Variants in QTGAL observed in about 807,000 individuals in gnomAD.
The protein encoded by QTGAL is BGnT-like protein 1.
chr17:83,009,637 C>T, the QTGAL span, among the ~76,000 whole-genome samples: 3 of 152,114 alleles, frequency 2.0e-5, no homozygotes, highest in African/African-American at 4.8e-5. Context: ...GGCAAAGGGG[C>T]GAGACCTTCG....
At chr17:83,009,405 C>T in the QTGAL span, among the ~76,000 whole-genome samples, 5 of 151,790 alleles carry the variant, frequency 3.3e-5, no homozygotes, top group African/African-American at 4.8e-5. Flanking sequence ...GCCTGGGCAA[C>T]GGAGCAAGAC....
At chr17:82,946,891 G>T in the QTGAL span, 1 of 1,557,986 alleles carries the variant, frequency 6.4e-7, no homozygotes, top group Non-Finnish European at 8.7e-7. Flanking sequence ...GGGAGCAGCT[G>T]CCATGGGTCC....
At chr17:82,946,496 T>C in the QTGAL span, among the ~76,000 whole-genome samples, 2 of 151,534 alleles carry the variant, frequency 1.3e-5, no homozygotes, top group Non-Finnish European at 2.9e-5. Context: ...ATTGAATTGG[T>C]ACATTTCAAT....
At chr17:83,001,686 T>A in the QTGAL span, among the ~76,000 whole-genome samples, 1 of 152,206 alleles carries the variant, frequency 6.6e-6, no homozygotes, top group Non-Finnish European at 1.5e-5. Flanking sequence ...AGTGGTGGGT[T>A]TGCAGTAACA....
chr17:83,000,149 G>C, the QTGAL span, among the ~76,000 whole-genome samples: 4 of 152,076 alleles, frequency 2.6e-5, no homozygotes, highest in African/African-American at 9.7e-5. Flanking sequence ...TTTTAGTAGG[G>C]ACGGGGTTTC....
the QTGAL span, among the ~76,000 whole-genome samples, chr17:83,015,520 CAAG>C: frequency 6.6e-6 from 1 of 152,222 alleles, no homozygotes; most frequent in Non-Finnish European, 1.5e-5. The surrounding 1 kb of genome is among the most constrained non-coding windows in gnomAD (Gnocchi z 4.4). Context: ...AAGCAAGACA[CAAG>C]AATATACATG....
the QTGAL span, among the ~76,000 whole-genome samples, chr17:83,000,253 G>A: frequency 1.9e-4 from 21 of 112,068 alleles, no homozygotes; most frequent in East Asian, 5.3e-4. Flanking sequence ...GAGCCACTGC[G>A]CCTGGCCGAG....
At chr17:83,030,579 C>T in the QTGAL span, among the ~76,000 whole-genome samples, 3 of 152,314 alleles carry the variant, frequency 2.0e-5, no homozygotes, top group South Asian at 2.1e-4. Context: ...GTTCAAGGAT[C>T]GGCAGTGAGG....
At chr17:82,974,115 C>T in the QTGAL span, among the ~76,000 whole-genome samples, 1 of 152,206 alleles carries the variant, frequency 6.6e-6, no homozygotes. Flanking sequence ...CCTTGGGCCT[C>T]CCTGCCTCCA....
chr17:83,036,294 C>T, the QTGAL span, among the ~76,000 whole-genome samples: 1 of 152,208 alleles, frequency 6.6e-6, no homozygotes, highest in Non-Finnish European at 1.5e-5. Context: ...GGGCCCTGGC[C>T]CGGAGCACGA....
the QTGAL span, among the ~76,000 whole-genome samples, chr17:83,032,511 CA>C: frequency 7.8e-5 from 2 of 25,566 alleles, no homozygotes; most frequent in South Asian, 7.3e-4. Context: ...GCTGAACAAC[CA>C]GGTCAGACCA....
the QTGAL span, among the ~76,000 whole-genome samples, chr17:83,039,580 C>T: frequency 7.1e-6 from 1 of 139,920 alleles, no homozygotes; most frequent in African/African-American, 2.7e-5. Flanking sequence ...TCTAGACACA[C>T]TGCTGGGCGC....
the QTGAL span, among the ~76,000 whole-genome samples, chr17:82,958,766 C>T: frequency 6.9e-6 from 1 of 144,862 alleles, no homozygotes; most frequent in Admixed American, 6.9e-5. Context: ...AGATGCTTAT[C>T]CCAGTCAGTG....
the QTGAL span, among the ~76,000 whole-genome samples, chr17:83,045,050 G>C: frequency 3.9e-5 from 6 of 151,960 alleles, no homozygotes; most frequent in East Asian, 1.2e-3. Flanking sequence ...AACCCACAAA[G>C]AACAAACTAT....
the QTGAL span, among the ~76,000 whole-genome samples, chr17:83,039,154 G>A: frequency 6.6e-6 from 1 of 151,326 alleles, no homozygotes; most frequent in Admixed American, 6.6e-5. Context: ...CACCTCCCTG[G>A]GTGCATTTCC....
At chr17:82,962,871 T>TGCCCC in the QTGAL span, among the ~76,000 whole-genome samples, 1 of 151,862 alleles carries the variant, frequency 6.6e-6, no homozygotes, top group East Asian at 1.9e-4. Flanking sequence ...GCCTCTGCCC[T>TGCCCC]GGGAGGAGGG....
At chr17:82,968,452 GC>G in the QTGAL span, among the ~76,000 whole-genome samples, 31,855 of 69,524 alleles carry the variant, frequency 0.46, 6,701 homozygotes, top group South Asian at 0.53. Flanking sequence ...GGGAAGGGAG[GC>G]CAGTCACCAG....
At chr17:83,029,360 G>A in the QTGAL span, among the ~76,000 whole-genome samples, 1 of 152,044 alleles carries the variant, frequency 6.6e-6, no homozygotes, top group Non-Finnish European at 1.5e-5. Context: ...AAGAACTGAA[G>A]TTAAATTTTT....
At chr17:83,008,335 A>G in the QTGAL span, among the ~76,000 whole-genome samples, 1 of 152,264 alleles carries the variant, frequency 6.6e-6, no homozygotes, top group East Asian at 1.9e-4. Flanking sequence ...GGCGGAGCAG[A>G]AAGCGCAGGC....
Sources: allele counts gnomAD v4.1 joint callset (sites outside exome capture counted in the v4.1 genomes callset), GRCh38; gene constraint gnomAD v4.1.1; non-coding constraint Gnocchi (gnomAD v3.1); transcripts MANE v1.5; gene names NCBI Gene and HGNC (gene_info 2026-07-23, HGNC 2026-07-21).